NT5C1B: variants seen among roughly 807,000 people sequenced by gnomAD.
The protein encoded by NT5C1B is cytosolic 5'-nucleotidase 1B.
Under a neutral mutation model 57.8 loss-of-function variants are expected in NT5C1B, and 44 were observed. The ratio of observed to expected loss-of-function variants is 0.76; its 90% confidence interval spans 0.60 to 0.98. The LOEUF (loss-of-function observed/expected upper bound fraction) is 0.98, where lower values mean the gene tolerates loss of function less well. NT5C1B is among the 50% of genes least tolerant of loss of function. NT5C1B has a pLI of 0.00. For missense variants in NT5C1B, 742 were observed against 719.5 expected, an observed-to-expected ratio of 1.03 and a Z score of -0.36; for synonymous variants, 284 against 282.6, an observed-to-expected ratio of 1.00 and a Z score of -0.05.
At chr2:18,589,254 T>G (rs1209708777) in intron 1 of NT5C1B, among the ~76,000 whole-genome samples, 185 bp downstream of exon 1, 1 of 152,242 alleles carries the variant, frequency 6.6e-6, no homozygotes, top group African/African-American at 2.4e-5. Context: ...TCTTTTAAAT[T>G]TCTCCTTCTT....
At chr2:18,588,246 G>A (rs148828370) in intron 1 of NT5C1B, among the ~76,000 whole-genome samples, 2,507 of 152,214 alleles carry the variant, frequency 0.016, 19 homozygotes, top group Non-Finnish European at 0.027. Context: ...AAATATTTAT[G>A]TTTTCATTTT....
At chr2:18,567,540 C>A (rs760699192) in intron 8 of NT5C1B, among the ~76,000 whole-genome samples, 1 of 152,184 alleles carries the variant, frequency 6.6e-6, no homozygotes, top group Admixed American at 6.5e-5. Flanking sequence ...TGAAAGTCGA[C>A]TAGAAATCTT....
chr2:18,568,754 C>T (rs1375487119), intron 8 of NT5C1B, among the ~76,000 whole-genome samples: 2 of 152,168 alleles, frequency 1.3e-5, no homozygotes, highest in African/African-American at 4.8e-5. Flanking sequence ...TATCTGATTG[C>T]CTCCTTTGGA....
chr2:18,563,662 A>C, exon 9 of NT5C1B: 1 of 1,008,692 alleles, frequency 9.9e-7, no homozygotes, highest in Non-Finnish European at 1.4e-6. Flanking sequence ...CCAAAAAATC[A>C]GGAGAAAACC....
intron 8 of NT5C1B, among the ~76,000 whole-genome samples, chr2:18,573,421 A>G (rs1340002136): frequency 6.6e-6 from 1 of 151,150 alleles, no homozygotes; most frequent in African/African-American, 2.5e-5. Context: ...TTTACTCTAT[A>G]TAAATATACC....
chr2:18,585,064 T>C (rs952300840), intron 3 of NT5C1B, 86 bp from the exon 4 acceptor site: 3 of 1,557,982 alleles, frequency 1.9e-6, no homozygotes, highest in African/African-American at 2.7e-5. Context: ...ATTCCATTCC[T>C]AGACCTTTGA....
chr2:18,566,383 G>A (rs1318119778), intron 8 of NT5C1B, among the ~76,000 whole-genome samples: 1 of 152,064 alleles, frequency 6.6e-6, no homozygotes, highest in African/African-American at 2.4e-5. Flanking sequence ...GTAACCATTT[G>A]CTTAAATTTT....
At chr2:18,586,299 C>A (rs749216919) in exon 3 of NT5C1B, 2 of 1,614,164 alleles carry the variant, frequency 1.2e-6, no homozygotes, top group Non-Finnish European at 1.7e-6. Context: ...TGGATGGAGC[C>A]TTGGTGGATG....
chr2:18,587,563 C>G lies in NT5C1B; in HGVS notation c.60G>C (p.Glu20Asp), dbSNP rs1010471319. 65 of 1,613,666 alleles carry G rather than the reference C, an allele frequency of 4.0e-5. No individual in the cohort carries two copies. The highest frequency in any genetic ancestry group is 2.5e-4 in the East Asian group (11 of 44,880). The change falls in exon 2 of 9, where the codon GAG becomes GAC. Residue 20 changes from glutamate to aspartate, a missense_variant. Physicochemically the swap from Glu to Asp is conservative, Grantham distance 45 (BLOSUM62 2). Transcript: ENST00000304081. ...CCTTTCTTTTTTCTGCTTCTAGACT[C>G]TCTTTTGAGGACCTCATTCCAGGCT...
Position 18,584,024 on chromosome 2 carries a change from G to T in NT5C1B, c.891+64C>A. 6.2e-7 allele frequency: 1 copy of T among 1,613,058 alleles called. No homozygotes were observed. The highest frequency in any genetic ancestry group is 8.5e-7 in the Non-Finnish European group (1 of 1,179,810). Reference sequence around the variant, plus strand: ...TGGGAAATTGGATGCCCTCCCAAGGGTTGGCCTGGGTCCCTCCCTCGCCAT... The same window carrying T: ...TGGGAAATTGGATGCCCTCCCAAGGTTTGGCCTGGGTCCCTCCCTCGCCAT... On this transcript the variant is annotated intron_variant, in intron 5 of 8. Coordinates refer to ENST00000304081, the Ensembl canonical transcript of NT5C1B. The surrounding 1 kb of genome is among the most constrained non-coding windows in gnomAD (Gnocchi z 5.8).
At chr2:18,588,303 CTAAG>C (rs1666908903) in intron 1 of NT5C1B, among the ~76,000 whole-genome samples, 1 of 152,132 alleles carries the variant, frequency 6.6e-6, no homozygotes, top group Non-Finnish European at 1.5e-5. Context: ...CTGTTTCATG[CTAAG>C]TAAGTAGCTG....
At chr2:18,566,139 AT>A (rs911020504) in intron 8 of NT5C1B, among the ~76,000 whole-genome samples, 6 of 151,878 alleles carry the variant, frequency 4.0e-5, no homozygotes, top group Admixed American at 6.6e-5. Context: ...CTGTTATTAG[AT>A]TTTTTTCTTT....
At chr2:18,576,037 A>G in intron 8 of NT5C1B, 147 bp downstream of exon 8, 3 of 822,928 alleles carry the variant, frequency 3.6e-6, no homozygotes. Flanking sequence ...TCATGAAAGA[A>G]AGAGAGAAAG....
intron 2 of NT5C1B, chr2:18,587,280 G>GC: frequency 6.7e-7 from 1 of 1,489,248 alleles, no homozygotes; most frequent in Non-Finnish European, 8.9e-7. Flanking sequence ...AGAGGAGCCT[G>GC]CTGTGGTTCC....
chr2:18,572,605 C>G (rs1665303322), intron 8 of NT5C1B, among the ~76,000 whole-genome samples: 1 of 151,926 alleles, frequency 6.6e-6, no homozygotes, highest in Non-Finnish European at 1.5e-5. Flanking sequence ...TGATAACAAA[C>G]CAAAAACCCA....
Position 18,564,120 on chromosome 2 carries a change from C to T in NT5C1B, c.1330-1G>A, listed in dbSNP as rs773018353. 1.3e-6 allele frequency: 2 copies of T among 1,554,342 alleles called. No individual in the cohort carries two copies. Among genetic ancestry groups the T allele is most frequent in the South Asian group, 1.2e-5 (1 of 82,768 alleles). ...CTTCCAGAAAGCCTTTTAGGGGACC[C>T]TGTAAAAGGAACATATATCACAGCT... On this transcript the variant is annotated splice_acceptor_variant, in intron 8 of 8. Coordinates refer to ENST00000304081, the Ensembl canonical transcript of NT5C1B. LOFTEE classifies it high-confidence loss of function.
At chr2:18,586,862 T>C in intron 2 of NT5C1B, 1 of 1,478,366 alleles carries the variant, frequency 6.8e-7, no homozygotes, top group Non-Finnish European at 9.1e-7. Flanking sequence ...CTCAAGCTTT[T>C]CTTTTAGGAG....
Position 18,584,118 on chromosome 2 carries a change from C to G in NT5C1B, c.861G>C (p.Leu287=). Residue 287 remains leucine (L), a synonymous_variant, in exon 5 of 9, where the codon CTG becomes CTC. Coordinates refer to ENST00000304081, the Ensembl canonical transcript of NT5C1B. The surrounding 1 kb of genome is among the most constrained non-coding windows in gnomAD (Gnocchi z 5.8). ...CGAAGCGGAACGCCGGGCCCGGGGT[C>G]AGGATGACGTTCTCATTGGTGAGCT... The G allele has an allele frequency of 6.2e-7, 1 of 1,614,152 alleles. No individual in the cohort carries two copies. The highest frequency in any genetic ancestry group is 8.5e-7 in the Non-Finnish European group (1 of 1,180,038).
intron 8 of NT5C1B, among the ~76,000 whole-genome samples, chr2:18,570,401 G>A (rs999224855): frequency 2.0e-5 from 3 of 151,876 alleles, no homozygotes; most frequent in African/African-American, 7.2e-5. Flanking sequence ...AAATAAAAGT[G>A]GGGACACATC....
Sources: gnomAD v4.1 joint callset for allele counts (sites outside exome capture counted in the v4.1 genomes callset) on GRCh38, gnomAD v4.1.1 for gene constraint, Gnocchi (gnomAD v3.1) non-coding constraint, MANE v1.5 for transcripts, NCBI Gene and HGNC (gene_info 2026-07-23, HGNC 2026-07-21) for gene names.